Variants in AHCYL2 observed in about 807,000 individuals in gnomAD.
AHCYL2 encodes adenosylhomocysteinase like 2, also known as S-adenosylhomocysteine hydrolase-like protein 2.
In AHCYL2, 28 loss-of-function variants were observed where a neutral mutation model predicts 81.4. The ratio of observed to expected loss-of-function variants is 0.34; its 90% CI spans 0.25 to 0.47. The LOEUF is 0.47. Among genes scored for constraint, AHCYL2 ranks in the 20% least tolerant of loss-of-function variants. The probability of loss-of-function intolerance (pLI) is 1.00; values close to 1 mark genes in which losing one functional copy is unlikely to be tolerated. For synonymous variants in AHCYL2, 272 were observed against 290.2 expected (o/e 0.94, Z 0.64); for missense variants, 551 against 785.1 (o/e 0.70, Z 3.56).
chr7:129,225,564 T>C, intron 1 of AHCYL2, 125 bp downstream of exon 1: 1 of 1,375,300 alleles, frequency 7.3e-7, no homozygotes, highest in Middle Eastern at 2.6e-4. Flanking sequence ...ATACCCCTTG[T>C]CCCCTTAAAC....
At chr7:129,316,805 C>A (rs1037258807) in intron 1 of AHCYL2, among the ~76,000 whole-genome samples, 2 of 152,056 alleles carry the variant, frequency 1.3e-5, no homozygotes, top group African/African-American at 2.4e-5. Flanking sequence ...TGGAGGAATT[C>A]GGCCAAATGT....
At position 129,427,336 on chromosome 7, in the gene AHCYL2, A is replaced by T. The variant is rs1039773026; in HGVS notation, c.*291A>T. On this transcript the variant is annotated 3_prime_UTR_variant, in exon 17 of 17. Transcript: ENST00000325006. This position sits in a 1 kb window ranked among gnomAD's most constrained non-coding sequence, Gnocchi z 5.5. Reference sequence around the variant, plus strand: ...CATTTGCATCATTCCCCATTGACTGAATCCTCAGCAGTGGCCGTTTTTCCT... The same window carrying T: ...CATTTGCATCATTCCCCATTGACTGTATCCTCAGCAGTGGCCGTTTTTCCT... The T allele has an allele frequency of 9.5e-6, 3 of 314,142 alleles. No homozygotes were observed. Among genetic ancestry groups the T allele is most frequent in the Admixed American group, 4.9e-5 (1 of 20,220 alleles). 19.5% of individuals were successfully genotyped at this position (314,142 alleles called of 1,614,324 possible).
chr7:129,287,436 A>G (rs1796676286), intron 1 of AHCYL2, among the ~76,000 whole-genome samples: 1 of 152,206 alleles, frequency 6.6e-6, no homozygotes, highest in African/African-American at 2.4e-5. Context: ...TATAACATCC[A>G]GACTCCAGAA....
At chr7:129,292,961 T>C (rs1796920582) in intron 1 of AHCYL2, among the ~76,000 whole-genome samples, 1 of 152,144 alleles carries the variant, frequency 6.6e-6, no homozygotes. Flanking sequence ...TAAAAGCATA[T>C]TGCTTACCCA....
In AHCYL2 at chr7:129,426,074, AC is replaced by A. The variant is rs1797351303; in HGVS notation, c.1709-366del. Among the ~76,000 whole-genome samples the A allele has an allele frequency of 1.3e-5, 2 of 152,336 alleles. No individual in the cohort carries two copies. Among genetic ancestry groups the A allele is most frequent in the African/African-American group, 4.8e-5 (2 of 41,582 alleles). ...CCCCAGGCATTAGTTGTTTTAAATG[AC>A]CCAAAGTATGGAGTCCAAGGCAAAA... is the stretch of plus-strand genomic sequence containing the variant. On this transcript the variant is annotated intron_variant, in intron 15 of 16. Coordinates refer to ENST00000325006, the MANE Select transcript of AHCYL2 (RefSeq NM_015328.4). This position sits in a 1 kb window ranked among gnomAD's most constrained non-coding sequence, Gnocchi z 4.3.
At position 129,282,928 on chromosome 7, in the gene AHCYL2, G is replaced by A. The variant is rs73722913; in HGVS notation, c.363+57489G>A. On this transcript the variant is annotated intron_variant, in intron 1 of 16. Coordinates refer to ENST00000325006, the MANE Select transcript of AHCYL2 (RefSeq NM_015328.4). ...TTCCATCTAGGGTAGTTACTCCCCAGGATCCTTGGAATACTCTACCTCGTG... is the reference window on the plus strand; with the variant it reads ...TTCCATCTAGGGTAGTTACTCCCCAAGATCCTTGGAATACTCTACCTCGTG... 3.4e-3 allele frequency among the ~76,000 whole-genome samples: 514 copies of A among 152,246 alleles called. 1 individual carries two copies. The highest frequency in any genetic ancestry group is 0.012 in the African/African-American group (497 of 41,530).
chr7:129,368,580 T>C lies in AHCYL2; in HGVS notation c.364-11058T>C. Reference sequence around the variant, plus strand: ...AGTTCACTGGTCGTTTTGTTTCTCCTTCTGTTTCTTGATAATGAGAGGCAA... The same window carrying C: ...AGTTCACTGGTCGTTTTGTTTCTCCCTCTGTTTCTTGATAATGAGAGGCAA... On this transcript the variant is annotated intron_variant, in intron 1 of 16. Transcript: ENST00000325006. This position sits in a 1 kb window ranked among gnomAD's most constrained non-coding sequence, Gnocchi z 4.4. The C allele has an allele frequency of 6.2e-7, 1 of 1,611,960 alleles. No homozygotes were observed. The highest frequency in any genetic ancestry group is 8.5e-7 in the Non-Finnish European group (1 of 1,178,408).
At chr7:129,305,835 T>C (rs1369878970) in intron 1 of AHCYL2, among the ~76,000 whole-genome samples, 1 of 152,260 alleles carries the variant, frequency 6.6e-6, no homozygotes, top group Non-Finnish European at 1.5e-5. Context: ...TTATTTCTCC[T>C]TCATGTTTGA....
At chr7:129,315,125 A>G (rs1289192352) in intron 1 of AHCYL2, among the ~76,000 whole-genome samples, 2 of 152,014 alleles carry the variant, frequency 1.3e-5, no homozygotes, top group Non-Finnish European at 2.9e-5. Context: ...CCTATGTCTT[A>G]CCTGGACTAT....
chr7:129,411,289 G>A (rs548438787), intron 11 of AHCYL2, among the ~76,000 whole-genome samples: 1 of 151,976 alleles, frequency 6.6e-6, no homozygotes, highest in East Asian at 1.9e-4. Flanking sequence ...CCCAATTATC[G>A]AATTTTTATC....
intron 1 of AHCYL2, among the ~76,000 whole-genome samples, chr7:129,362,632 C>T (rs1793974960): frequency 1.8e-5 from 2 of 111,208 alleles, no homozygotes; most frequent in Admixed American, 2.4e-4. Flanking sequence ...TTTATGGTCT[C>T]AGAGAATCTA....
intron 1 of AHCYL2, among the ~76,000 whole-genome samples, chr7:129,261,057 T>C (rs544956932): frequency 6.6e-6 from 1 of 152,336 alleles, no homozygotes; most frequent in East Asian, 1.9e-4. Context: ...CCCAAAGTGC[T>C]GGGATTACAG....
intron 1 of AHCYL2, among the ~76,000 whole-genome samples, chr7:129,311,646 G>C (rs1353724571): frequency 6.9e-6 from 1 of 145,704 alleles, no homozygotes; most frequent in Non-Finnish European, 1.5e-5. Context: ...ATACTAATCT[G>C]TCAGCAAATC....
intron 1 of AHCYL2, among the ~76,000 whole-genome samples, chr7:129,303,258 G>A (rs553930156): frequency 3.3e-5 from 5 of 152,148 alleles, no homozygotes; most frequent in South Asian, 2.1e-4. Flanking sequence ...CTTGGCCTCC[G>A]AAAGTGCTGG....
intron 12 of AHCYL2, among the ~76,000 whole-genome samples, chr7:129,422,339 A>C (rs940787441): frequency 6.6e-6 from 1 of 152,326 alleles, no homozygotes; most frequent in South Asian, 2.1e-4. Context: ...GGGCCCCAGC[A>C]TGCTATGTTT....
intron 1 of AHCYL2, chr7:129,283,394 T>C (rs1418234631): frequency 2.2e-6 from 1 of 456,094 alleles, no homozygotes; most frequent in East Asian, 6.9e-5. Context: ...ATGTATTTTC[T>C]CTGCTTTTTT....
intron 1 of AHCYL2, among the ~76,000 whole-genome samples, chr7:129,242,329 CTTTT>C (rs768756801): frequency 7.0e-6 from 1 of 141,996 alleles, no homozygotes. Flanking sequence ...CAAGCCTGGC[CTTTT>C]TTTTTTTTTT....
chr7:129,247,291 A>G (rs1393433376), intron 1 of AHCYL2, among the ~76,000 whole-genome samples: 1 of 152,146 alleles, frequency 6.6e-6, no homozygotes, highest in Non-Finnish European at 1.5e-5. Context: ...GTGCTATGTC[A>G]TTATGGTTTT....
At chr7:129,411,634 G>A (rs1796582271) in intron 11 of AHCYL2, among the ~76,000 whole-genome samples, 1 of 148,818 alleles carries the variant, frequency 6.7e-6, no homozygotes, top group Non-Finnish European at 1.5e-5. Context: ...GATGGCAGGT[G>A]CCTGTAGTCT....
Sources: allele counts gnomAD v4.1 joint callset (sites outside exome capture counted in the v4.1 genomes callset), GRCh38; gene constraint gnomAD v4.1.1; non-coding constraint Gnocchi (gnomAD v3.1); transcripts MANE v1.5; gene names NCBI Gene and HGNC (gene_info 2026-07-23, HGNC 2026-07-21).